Variants in SYT14 observed in about 807,000 individuals in gnomAD.
SYT14 encodes the protein synaptotagmin 14.
A neutral mutation model predicts 74.2 loss-of-function variants in SYT14; 32 were observed. That is an observed-to-expected ratio of 0.43 (90% CI 0.33 to 0.58). The LOEUF (loss-of-function observed/expected upper bound fraction) is 0.58, where lower values mean the gene tolerates loss of function less well. Ranked by LOEUF, SYT14 falls within the 20% of genes least tolerant of loss-of-function variation. SYT14 has a pLI of 0.05. For synonymous variants in SYT14, 298 were observed against 337.7 expected (o/e 0.88, Z 1.29); for missense variants, 791 against 981.8 (o/e 0.81, Z 2.60).
intron 7 of SYT14, among the ~76,000 whole-genome samples, chr1:210,146,764 A>G (rs1045313681): frequency 3.4e-5 from 5 of 148,922 alleles, no homozygotes; most frequent in African/African-American, 1.3e-4. Context: ...TGTTATATAT[A>G]CTACATATAT....
At chr1:210,101,174 T>G (rs192919990) in intron 7 of SYT14, among the ~76,000 whole-genome samples, 3 of 152,272 alleles carry the variant, frequency 2.0e-5, no homozygotes, top group Admixed American at 2.0e-4. Context: ...CACTGTTTAT[T>G]TAAACCAGGG....
chr1:210,125,305 A>G (rs950902198), intron 7 of SYT14, among the ~76,000 whole-genome samples: 1 of 150,786 alleles, frequency 6.6e-6, no homozygotes, highest in African/African-American at 2.4e-5. Flanking sequence ...GTGAGAACAT[A>G]TGGATTTGAT....
chr1:209,954,073 A>G (rs1026775404), intron 2 of SYT14, among the ~76,000 whole-genome samples: 2 of 152,244 alleles, frequency 1.3e-5, no homozygotes, highest in Non-Finnish European at 2.9e-5. Context: ...AAACTTTTTA[A>G]AACTTTTAAT....
intron 2 of SYT14, among the ~76,000 whole-genome samples, chr1:209,987,397 A>G (rs2079590373): frequency 6.6e-6 from 1 of 152,206 alleles, no homozygotes; most frequent in African/African-American, 2.4e-5. Context: ...GCTTCTGTAG[A>G]GGCCTCAGGA....
intron 5 of SYT14, among the ~76,000 whole-genome samples, chr1:210,070,154 C>G (rs770473140): frequency 5.9e-5 from 9 of 152,044 alleles, no homozygotes; most frequent in Non-Finnish European, 1.2e-4. Flanking sequence ...TTCTCTCGTT[C>G]CGCTCTCCAT....
At chr1:210,041,109 C>G (rs1173683878) in intron 5 of SYT14, among the ~76,000 whole-genome samples, 1 of 152,144 alleles carries the variant, frequency 6.6e-6, no homozygotes, top group Non-Finnish European at 1.5e-5. Context: ...CTGGGTAGGA[C>G]AGATGGACAT....
chr1:209,991,851 A>G (rs2079693487), intron 2 of SYT14, among the ~76,000 whole-genome samples: 4 of 152,014 alleles, frequency 2.6e-5, no homozygotes, highest in Admixed American at 1.3e-4. Flanking sequence ...AAAAAAAGTC[A>G]AATAACAGAT....
chr1:210,042,816 A>C (rs911933419), intron 5 of SYT14, among the ~76,000 whole-genome samples: 1 of 152,190 alleles, frequency 6.6e-6, no homozygotes, highest in Non-Finnish European at 1.5e-5. Flanking sequence ...CTTTTTGCTT[A>C]GGATTGTCTT....
chr1:210,052,606 G>GAAC (rs1342131328), intron 5 of SYT14, among the ~76,000 whole-genome samples: 1 of 131,756 alleles, frequency 7.6e-6, no homozygotes, highest in Non-Finnish European at 1.5e-5. Flanking sequence ...AGATTGCAGT[G>GAAC]AACTGAGATC....
At chr1:210,158,598 G>T (rs1027501057) in intron 8 of SYT14, among the ~76,000 whole-genome samples, 1 of 152,122 alleles carries the variant, frequency 6.6e-6, no homozygotes, top group African/African-American at 2.4e-5. Flanking sequence ...CCAAGCGCAG[G>T]GTTGGATAAT....
chr1:210,108,640 G>C (rs915600488), intron 7 of SYT14, among the ~76,000 whole-genome samples: 1 of 151,678 alleles, frequency 6.6e-6, no homozygotes, highest in South Asian at 2.1e-4. Flanking sequence ...AAAAAAAAAA[G>C]GACAAATAAC....
chr1:210,002,259 G>A (rs545665126), intron 2 of SYT14, among the ~76,000 whole-genome samples: 5 of 152,014 alleles, frequency 3.3e-5, no homozygotes, highest in African/African-American at 7.2e-5. Flanking sequence ...AAAAGCCCCC[G>A]TGCACTCTTC....
At chr1:210,144,130 T>C (rs551451667) in intron 7 of SYT14, among the ~76,000 whole-genome samples, 7 of 152,324 alleles carry the variant, frequency 4.6e-5, no homozygotes, top group Middle Eastern at 3.4e-3. Flanking sequence ...GCTGCAGCTC[T>C]GAAATCCAGT....
chr1:209,955,705 C>T lies in SYT14; in HGVS notation c.-486+2949C>T, dbSNP rs183736665. Among the ~76,000 whole-genome samples the T allele has an allele frequency of 7.9e-5, 12 of 152,246 alleles. No homozygotes were observed. In the East Asian group the frequency reaches 2.3e-3, roughly 29 times the overall value. ...ATACCTCAAATAAAAGTATCTTACC[C>T]TGATCTACAAAGACATTATAGTATC... On this transcript the variant is annotated intron_variant, in intron 2 of 9. Coordinates refer to ENST00000637265, the Ensembl canonical transcript of SYT14.
At chr1:210,109,147 A>G (rs112359451) in intron 7 of SYT14, among the ~76,000 whole-genome samples, 55 of 152,334 alleles carry the variant, frequency 3.6e-4, no homozygotes, top group African/African-American at 1.3e-3. Flanking sequence ...AAGGATATGA[A>G]CAGACACTTC....
chr1:210,139,029 A>G (rs2082849648), intron 7 of SYT14, among the ~76,000 whole-genome samples: 2 of 151,980 alleles, frequency 1.3e-5, no homozygotes, highest in South Asian at 4.1e-4. Flanking sequence ...ACAATGCTAT[A>G]CTTACCTGTT....
chr1:209,976,780 G>C (rs939316353), intron 2 of SYT14, among the ~76,000 whole-genome samples: 3 of 152,234 alleles, frequency 2.0e-5, no homozygotes, highest in Non-Finnish European at 2.9e-5. Flanking sequence ...TGTCTTCGTT[G>C]ATCTGTCTAA....
At chr1:210,161,692 A>G in exon 10 of SYT14, 2 of 453,710 alleles carry the variant, frequency 4.4e-6, no homozygotes, top group South Asian at 1.6e-5. Flanking sequence ...ATTTTTTTAA[A>G]AGTTCATTTT....
chr1:209,970,662 C>CTTT lies in SYT14; in HGVS notation c.-486+17943_-486+17945dup, dbSNP rs35639848. Among the ~76,000 whole-genome samples the CTTT allele has an allele frequency of 3.5e-3, 219 of 62,800 alleles. 58 individuals carry two copies. The highest frequency in any genetic ancestry group is 4.9e-3 in the Non-Finnish European group (174 of 35,334). The allele number at this position is 62,800 out of a possible 152,430, so 41.2% of individuals were successfully genotyped here. The stretch of plus-strand genomic sequence containing the variant: ...TTACAGATTGCTTTGGGCAGTATGG[C>CTTT]TTTTTTTTTTTTTTTTTTTTTTTTT... On this transcript the variant is annotated intron_variant, in intron 2 of 9. Transcript: ENST00000637265.
Sources: allele counts gnomAD v4.1 joint callset (sites outside exome capture counted in the v4.1 genomes callset), GRCh38; gene constraint gnomAD v4.1.1; transcripts MANE v1.5; gene names NCBI Gene and HGNC (gene_info 2026-07-23, HGNC 2026-07-21).